The following PKHD1 variants were observed in gnomAD, a reference collection of about 807,000 sequenced individuals.
PKHD1 encodes PKHD1 ciliary IPT domain containing fibrocystin/polyductin.
A neutral mutation model predicts 412.0 loss-of-function variants in PKHD1; 291 were observed. That is an observed-to-expected ratio of 0.71 (90% CI 0.64 to 0.78). The LOEUF (loss-of-function observed/expected upper bound fraction) is 0.78, where lower values mean the gene tolerates loss of function less well. Ranked by LOEUF, PKHD1 falls within the 30% of genes least tolerant of loss-of-function variation. PKHD1 has a pLI of 0.00. For synonymous variants in PKHD1, 1,777 were observed against 1,821.5 expected, an observed-to-expected ratio of 0.98 and a Z score of 0.62; for missense variants, 4,825 against 4,950.7, an observed-to-expected ratio of 0.97 and a Z score of 0.76.
At position 51,679,382 on chromosome 6, in the gene PKHD1, C is replaced by T. The variant is rs571391626; in HGVS notation, c.10157-19413G>A. Among the ~76,000 whole-genome samples, 36 of 151,766 alleles carry T rather than the reference C, an allele frequency of 2.4e-4. No individual in the cohort carries two copies. In the South Asian group the frequency reaches 7.3e-3, roughly 31 times the overall value. The stretch of plus-strand genomic sequence containing the variant: ...TTTGTTACCTAAACAAAAGTAGTTT[C>T]GTTTGACAAGTGGTGAAAGAATTAG... On this transcript the variant is annotated intron_variant, in intron 60 of 66. Coordinates refer to ENST00000371117, the MANE Select transcript of PKHD1 (RefSeq NM_138694.4).
At chr6:51,784,760 T>C (rs1027240586) in intron 53 of PKHD1, among the ~76,000 whole-genome samples, 1 of 152,160 alleles carries the variant, frequency 6.6e-6, no homozygotes, top group African/African-American at 2.4e-5. Flanking sequence ...GCCTCACGAC[T>C]ACCACACAAA....
In PKHD1 at chr6:51,874,021, G is replaced by T. The variant is rs190830249; in HGVS notation, c.7351-3382C>A. Among the ~76,000 whole-genome samples, 633 of 152,212 alleles carry T rather than the reference G, an allele frequency of 4.2e-3. 2 individuals are homozygous for T. The highest frequency in any genetic ancestry group is 6.7e-3 in the Non-Finnish European group (453 of 68,002). On this transcript the variant is annotated intron_variant, in intron 46 of 66. Coordinates refer to ENST00000371117, the MANE Select transcript of PKHD1 (RefSeq NM_138694.4). The stretch of plus-strand genomic sequence containing the variant: ...CCAGGGAGAGCTAGTATATTGAGAA[G>T]AAAAGGGGCCCTACAACAGAATTTA...
intron 66 of PKHD1, 36 bp downstream of exon 66, chr6:51,626,961 T>C: frequency 6.2e-7 from 1 of 1,609,414 alleles, no homozygotes; most frequent in South Asian, 1.1e-5. Flanking sequence ...ACAGTGGGTC[T>C]CTCCTGTGGG....
chr6:51,630,868 T>C (rs1224654895), intron 65 of PKHD1, among the ~76,000 whole-genome samples: 1 of 152,176 alleles, frequency 6.6e-6, no homozygotes, highest in South Asian at 2.1e-4. Context: ...TTTTTGTTTG[T>C]TTAACATAGT....
At chr6:51,775,767 C>T (rs1373943037) in intron 54 of PKHD1, 41 bp downstream of exon 54, 1 of 916,870 alleles carries the variant, frequency 1.1e-6, no homozygotes. Flanking sequence ...AATACACACA[C>T]ATGCATTTTA....
At chr6:51,943,387 C>T (rs1475292152) in intron 36 of PKHD1, among the ~76,000 whole-genome samples, 1 of 150,372 alleles carries the variant, frequency 6.7e-6, no homozygotes, top group Non-Finnish European at 1.5e-5. Context: ...GACTGCATCC[C>T]TTCCACCAAA....
intron 43 of PKHD1, among the ~76,000 whole-genome samples, chr6:51,895,957 G>A (rs200650550): frequency 6.6e-5 from 10 of 152,126 alleles, no homozygotes; most frequent in African/African-American, 1.9e-4. Context: ...GCGCTTTTCC[G>A]ACGGGCTTAA....
intron 43 of PKHD1, 141 bp from the exon 44 acceptor site, chr6:51,887,386 T>C: frequency 1.4e-6 from 1 of 690,592 alleles, no homozygotes. Context: ...TAGACTCATT[T>C]ATTCTTTTTT....
intron 53 of PKHD1, among the ~76,000 whole-genome samples, chr6:51,785,386 A>C (rs767462756): frequency 6.6e-6 from 1 of 152,194 alleles, no homozygotes; most frequent in Non-Finnish European, 1.5e-5. Flanking sequence ...ACCTCAGGCT[A>C]TATACTAAAG....
intron 54 of PKHD1, among the ~76,000 whole-genome samples, chr6:51,774,928 T>G (rs1259287620): frequency 1.3e-5 from 2 of 151,818 alleles, no homozygotes; most frequent in East Asian, 3.9e-4. Flanking sequence ...TTTTTCTCAC[T>G]TATATAATAG....
intron 46 of PKHD1, among the ~76,000 whole-genome samples, chr6:51,882,573 C>T (rs1236653391): frequency 6.6e-6 from 1 of 152,070 alleles, no homozygotes; most frequent in Non-Finnish European, 1.5e-5. Flanking sequence ...AAAACAAGAA[C>T]ATAGGGGATC....
At chr6:51,995,343 C>T (rs1411951211) in intron 35 of PKHD1, among the ~76,000 whole-genome samples, 1 of 151,968 alleles carries the variant, frequency 6.6e-6, no homozygotes, top group Non-Finnish European at 1.5e-5. Context: ...CTTTATTTTC[C>T]TCCTGAATTA....
intron 16 of PKHD1, among the ~76,000 whole-genome samples, 180 bp downstream of exon 16, chr6:52,058,143 G>A (rs1808069819): frequency 6.6e-6 from 1 of 152,154 alleles, no homozygotes; most frequent in African/African-American, 2.4e-5. Flanking sequence ...GATAATCTCA[G>A]GAATAAGACA....
chr6:52,065,193 A>AGAGAGAGAGAGAGACAGAGAGAGG (rs1257590254), intron 12 of PKHD1, 143 bp from the exon 13 acceptor site: 6 of 181,100 alleles, frequency 3.3e-5, no homozygotes, highest in African/African-American at 1.3e-4. Flanking sequence ...AGAGAGAGAG[A>AGAGAGAGAGAGAGACAGAGAGAGG]GAGACAGAGA....
At chr6:51,955,187 C>T (rs1305249055) in intron 36 of PKHD1, among the ~76,000 whole-genome samples, 1 of 145,868 alleles carries the variant, frequency 6.9e-6, no homozygotes, top group Non-Finnish European at 1.5e-5. Flanking sequence ...TAACGGTGCC[C>T]CTAAAAAATA....
In PKHD1 at chr6:51,791,423, C is replaced by G. The variant is rs781152841; in HGVS notation, c.8303-50G>C. The G allele has an allele frequency of 1.9e-6, 3 of 1,580,440 alleles. No individual in the cohort carries two copies. The East Asian group carries it at 6.7e-5, about 35-fold the overall frequency. ...AGATATGTCACAAAAACAAGAATTA[C>G]GTGTTTATTCTGGGGTTCTCCCAGC... On this transcript the variant is annotated intron_variant, in intron 52 of 66. Transcript: ENST00000371117.
At chr6:52,075,871 C>T (rs903457782) in intron 6 of PKHD1, among the ~76,000 whole-genome samples, 1 of 151,914 alleles carries the variant, frequency 6.6e-6, no homozygotes, top group African/African-American at 2.4e-5. Context: ...AATAGCTCTT[C>T]TATTATCAGG....
At chr6:51,899,705 T>C (rs1390149922) in intron 43 of PKHD1, among the ~76,000 whole-genome samples, 1 of 152,080 alleles carries the variant, frequency 6.6e-6, no homozygotes, top group East Asian at 1.9e-4. Flanking sequence ...GGTATTCAAT[T>C]AGGAAAAGAC....
Position 51,619,199 on chromosome 6 carries a change from C to T in PKHD1, c.12107G>A (p.Arg4036Gln), listed in dbSNP as rs201242338. 2.1e-5 allele frequency: 34 copies of T among 1,614,248 alleles called. No homozygotes were observed. Among genetic ancestry groups the T allele is most frequent in the Admixed American group, 1.2e-4 (7 of 60,028 alleles). Residue 4036 changes from arginine to glutamine, a missense_variant, in exon 67 of 67, where the codon CGG becomes CAG. Physicochemically the swap from Arg to Gln is conservative, Grantham distance 43. Transcript: ENST00000371117. Reference sequence around the variant, plus strand: ...CAAGCTGCCACTTTGCTTACTCAGCCGACTTTGCCCTGGCAACTGCTGCCT... The same window carrying T: ...CAAGCTGCCACTTTGCTTACTCAGCTGACTTTGCCCTGGCAACTGCTGCCT... Reference protein sequence around the residue: ...QERQQLPGQSRLSKQSGSLGL... With the variant: ...QERQQLPGQSQLSKQSGSLGL...
Sources: allele counts gnomAD v4.1 joint callset (sites outside exome capture counted in the v4.1 genomes callset), GRCh38; gene constraint gnomAD v4.1.1; transcripts MANE v1.5; gene names NCBI Gene and HGNC (gene_info 2026-07-23, HGNC 2026-07-21).